FANCD2: variants seen among roughly 807,000 people sequenced by gnomAD.
FANCD2 encodes the protein FA complementation group D2.
FANCD2 carries 131 observed loss-of-function variants against 192.3 expected under a neutral mutation model. The ratio of observed to expected loss-of-function variants is 0.68; its 90% CI spans 0.59 to 0.79. The LOEUF is 0.79. FANCD2 is among the 30% of genes least tolerant of loss of function. The pLI is 0.00. For synonymous variants in FANCD2, 524 were observed against 612.5 expected, an observed-to-expected ratio of 0.86 and a Z score of 2.13; for missense variants, 1,508 against 1,701.6, an observed-to-expected ratio of 0.89 and a Z score of 2.00.
chr3:10,053,170 C>T (rs1199123869), intron 18 of FANCD2, among the ~76,000 whole-genome samples: 1 of 148,320 alleles, frequency 6.7e-6, no homozygotes, highest in Non-Finnish European at 1.5e-5. Context: ...AAATGTGGCA[C>T]ATATACACCA....
intron 17 of FANCD2, among the ~76,000 whole-genome samples, chr3:10,052,146 A>G (rs34447614): frequency 6.6e-6 from 1 of 152,188 alleles, no homozygotes; most frequent in African/African-American, 2.4e-5. Context: ...GTTAGTTCCT[A>G]GTCTCTGATA....
chr3:10,094,505 T>G (rs1694838149), intron 40 of FANCD2, 142 bp downstream of exon 40: 2 of 777,158 alleles, frequency 2.6e-6, no homozygotes, highest in Admixed American at 3.6e-5. Context: ...ATCCCCAAAT[T>G]GGACTGAATA....
intron 39 of FANCD2, among the ~76,000 whole-genome samples, chr3:10,093,569 A>G (rs955791153): frequency 2.6e-5 from 4 of 152,222 alleles, no homozygotes; most frequent in Non-Finnish European, 4.4e-5. Context: ...GCTTCAGGGC[A>G]GTTGAGTTTA....
At chr3:10,099,226 C>A in intron 43 of FANCD2, 1 of 1,345,572 alleles carries the variant, frequency 7.4e-7, no homozygotes, top group African/African-American at 1.5e-5. Flanking sequence ...AAAGCCAAAG[C>A]ACAGAGTCAG....
chr3:10,064,058 T>A, intron 21 of FANCD2, 147 bp downstream of exon 21: 1 of 990,262 alleles, frequency 1.0e-6, no homozygotes, highest in Non-Finnish European at 1.5e-6. Context: ...CCCTACCCTG[T>A]CTCACGGCTC....
chr3:10,051,602 CAAG>C (rs745429168), intron 17 of FANCD2, among the ~76,000 whole-genome samples: 9,702 of 151,650 alleles, frequency 0.064, 411 homozygotes, highest in Non-Finnish European at 0.096. Context: ...CGAGAAGCAT[CAAG>C]GAGGAGAGAA....
chr3:10,101,885 A>G lies in FANCD2; in HGVS notation c.*623A>G, dbSNP rs1695317409. The G allele has an allele frequency of 5.4e-6, 1 of 186,434 alleles. No homozygotes were observed. The highest frequency in any genetic ancestry group is 1.1e-5 in the Non-Finnish European group (1 of 88,294). The allele number at this position is 186,434 out of a possible 1,614,324, so 11.5% of individuals were successfully genotyped here. ...GTTTTGAAACTCTGATTTATTGTAG[A>G]ACTTAGGCTTGTACCAATTTTACAA... On this transcript the variant is annotated 3_prime_UTR_variant, in exon 44 of 44. Coordinates refer to ENST00000675286, the MANE Select transcript of FANCD2 (RefSeq NM_001018115.3).
At chr3:10,036,086 CT>C (rs532765216) in intron 6 of FANCD2, among the ~76,000 whole-genome samples, 200 bp from the exon 7 acceptor site, 4,180 of 102,600 alleles carry the variant, frequency 0.041, 243 homozygotes, top group African/African-American at 0.14. Flanking sequence ...TTATACATTT[CT>C]TTTTTTTTTT....
At chr3:10,079,392 C>T (rs951733172) in intron 30 of FANCD2, among the ~76,000 whole-genome samples, 3 of 152,184 alleles carry the variant, frequency 2.0e-5, no homozygotes, top group Non-Finnish European at 2.9e-5. Flanking sequence ...GCAGCCTCTG[C>T]CTCCTGGGTT....
intron 9 of FANCD2, chr3:10,040,572 G>A (rs550457227): frequency 6.4e-5 from 29 of 456,530 alleles, no homozygotes; most frequent in South Asian, 1.9e-4. Flanking sequence ...GCATCAGACC[G>A]CTTGCGGAGA....
intron 30 of FANCD2, among the ~76,000 whole-genome samples, chr3:10,078,418 G>A (rs987073767): frequency 1.3e-5 from 2 of 151,652 alleles, no homozygotes; most frequent in African/African-American, 4.9e-5. Context: ...GCAGTGGTGT[G>A]ATCTCGGCTC....
chr3:10,049,426 T>C lies in FANCD2; in HGVS notation c.1466T>C (p.Val489Ala). 6.2e-7 allele frequency: 1 copy of C among 1,612,166 alleles called. No homozygotes were observed. The change falls in exon 17 of 44, where the codon GTT becomes GCT. Residue 489 changes from valine (V) to alanine (A), a missense_variant. Physicochemically the swap from Val to Ala is moderately conservative, Grantham distance 64 (BLOSUM62 0). Around this residue, in one of 5 missense-constraint regions of FANCD2, gnomAD observed 108 missense variants for 174.1 expected, o/e 0.62. Transcript: ENST00000675286. ...THICSGNEAEVDTALDVLLEL... is the reference protein window; with the variant it reads ...THICSGNEAEADTALDVLLEL... ...ATCTGCAGTGGGAATGAAGCTGAAG[T>C]TGATACTGCCTTAGATGTCCTTCTA...
chr3:10,096,551 AC>A, intron 42 of FANCD2, 79 bp downstream of exon 42: 1 of 1,363,308 alleles, frequency 7.3e-7, no homozygotes, highest in Non-Finnish European at 1.0e-6. Flanking sequence ...AAGGAAGGTC[AC>A]CTAAGCCCTC....
intron 15 of FANCD2, 51 bp from the exon 16 acceptor site, chr3:10,047,866 A>G: frequency 5.3e-6 from 1 of 187,120 alleles, no homozygotes; most frequent in Non-Finnish European, 7.9e-6. Context: ...TAGGTTGTGT[A>G]CTAACTGTTT....
At chr3:10,028,812 A>C in intron 2 of FANCD2, 91 bp downstream of exon 2, 1 of 1,100,356 alleles carries the variant, frequency 9.1e-7, no homozygotes, top group South Asian at 1.3e-5. Context: ...AGTGCTGAGA[A>C]TCTTCAAAGT....
chr3:10,052,369 G>A lies in FANCD2; in HGVS notation c.1546-18G>A. ...ATGTTAGCTGCTAGCCTCATTGTTGGCATCATTTTTTCCACAGGGCATTTT... is the reference window on the plus strand; with the variant it reads ...ATGTTAGCTGCTAGCCTCATTGTTGACATCATTTTTTCCACAGGGCATTTT... On this transcript the variant is annotated intron_variant, in intron 17 of 43. Coordinates refer to ENST00000675286, the MANE Select transcript of FANCD2 (RefSeq NM_001018115.3). 2.1e-6 allele frequency: 3 copies of A among 1,457,628 alleles called. No homozygotes were observed. Among genetic ancestry groups the A allele is most frequent in the Non-Finnish European group, 2.9e-6 (3 of 1,037,388 alleles). 90.3% of individuals were successfully genotyped at this position (1,457,628 alleles called of 1,614,324 possible).
At chr3:10,073,924 C>T (rs1693388159) in intron 28 of FANCD2, among the ~76,000 whole-genome samples, 1 of 152,000 alleles carries the variant, frequency 6.6e-6, no homozygotes, top group South Asian at 2.1e-4. Context: ...TCATTCTGGC[C>T]CCTAAGCTCA....
intron 7 of FANCD2, among the ~76,000 whole-genome samples, 194 bp downstream of exon 7, chr3:10,036,533 T>A (rs1172711889): frequency 6.6e-6 from 1 of 152,148 alleles, no homozygotes; most frequent in Non-Finnish European, 1.5e-5. Context: ...TAGATAGGAT[T>A]ACTGTTAAAA....
chr3:10,036,842 G>A (rs66797209), intron 7 of FANCD2, among the ~76,000 whole-genome samples: 30,032 of 151,840 alleles, frequency 0.2, 3,478 homozygotes, highest in African/African-American at 0.32. Flanking sequence ...TTTAAATTTT[G>A]TAGTGTATGT....
Sources: allele counts gnomAD v4.1 joint callset (sites outside exome capture counted in the v4.1 genomes callset), GRCh38; gene constraint gnomAD v4.1.1; regional missense constraint gnomAD v4.1.1; transcripts MANE v1.5; gene names NCBI Gene and HGNC (gene_info 2026-07-23, HGNC 2026-07-21).